Variants in NCKAP5 observed in about 807,000 individuals in gnomAD.
NCKAP5 encodes the protein nck-associated protein 5.
Under a neutral mutation model 167.0 loss-of-function variants are expected in NCKAP5, and 92 were observed. The ratio of observed to expected loss-of-function variants is 0.55; its 90% CI spans 0.47 to 0.66. The LOEUF is 0.66. Among genes scored for constraint, NCKAP5 ranks in the 30% least tolerant of loss-of-function variants. The pLI is 0.00. For synonymous variants in NCKAP5, 891 were observed against 877.4 expected, an observed-to-expected ratio of 1.02 and a Z score of -0.27; for missense variants, 2,378 against 2,315.0, an observed-to-expected ratio of 1.03 and a Z score of -0.56.
At chr2:133,389,024 G>A (rs1455078210) in intron 3 of NCKAP5, among the ~76,000 whole-genome samples, 1 of 152,270 alleles carries the variant, frequency 6.6e-6, no homozygotes, top group Admixed American at 6.5e-5. Flanking sequence ...CTCACTCTTG[G>A]TGCACTGCAC....
At chr2:133,368,309 G>T (rs1242052545) in intron 3 of NCKAP5, among the ~76,000 whole-genome samples, 1 of 152,172 alleles carries the variant, frequency 6.6e-6, no homozygotes, top group East Asian at 1.9e-4. Context: ...GTGTGCACAT[G>T]AATTTTAAAA....
At chr2:132,766,667 T>G (rs1291729726) in intron 16 of NCKAP5, among the ~76,000 whole-genome samples, 1 of 152,230 alleles carries the variant, frequency 6.6e-6, no homozygotes, top group Non-Finnish European at 1.5e-5. Flanking sequence ...ATCTTGGGTC[T>G]TGTTCTCTAT....
chr2:132,837,327 A>AT (rs901417255), intron 11 of NCKAP5, among the ~76,000 whole-genome samples: 2 of 151,140 alleles, frequency 1.3e-5, no homozygotes, highest in African/African-American at 2.4e-5. Context: ...TCTTCCCTCT[A>AT]TTTTTTTCCT....
intron 8 of NCKAP5, among the ~76,000 whole-genome samples, chr2:132,913,973 T>C (rs923200156): frequency 2.4e-4 from 37 of 152,320 alleles, no homozygotes; most frequent in African/African-American, 8.9e-4. Context: ...TGGGCTCAGT[T>C]GGTAATATTT....
At chr2:133,082,079 A>G (rs886817031) in intron 6 of NCKAP5, among the ~76,000 whole-genome samples, 1 of 152,062 alleles carries the variant, frequency 6.6e-6, no homozygotes, top group Admixed American at 6.6e-5. Context: ...TTGTGCCCCA[A>G]TTTGTGTCTA....
At chr2:133,633,388 G>A in the NCKAP5 span, among the ~76,000 whole-genome samples, 1 of 152,210 alleles carries the variant, frequency 6.6e-6, no homozygotes, top group Non-Finnish European at 1.5e-5. Context: ...GCATGAGAGA[G>A]GAAAGTCTGC....
chr2:133,503,897 T>C (rs1430956269), intron 3 of NCKAP5, among the ~76,000 whole-genome samples: 1 of 152,178 alleles, frequency 6.6e-6, no homozygotes, highest in Non-Finnish European at 1.5e-5. Context: ...AGAAGGAAGA[T>C]ATTGCCAGGG....
intron 11 of NCKAP5, among the ~76,000 whole-genome samples, chr2:132,853,409 C>A (rs1175444249): frequency 6.6e-6 from 1 of 152,186 alleles, no homozygotes; most frequent in Non-Finnish European, 1.5e-5. Flanking sequence ...CCCCTTAAGG[C>A]ATCTGATCTC....
chr2:133,085,041 T>G (rs1393048768), intron 6 of NCKAP5, among the ~76,000 whole-genome samples: 10 of 152,134 alleles, frequency 6.6e-5, no homozygotes, highest in Admixed American at 6.6e-4. Context: ...TATTTAAAAA[T>G]ATAAAAACCA....
chr2:133,671,582 C>T, the NCKAP5 span, among the ~76,000 whole-genome samples: 1 of 152,066 alleles, frequency 6.6e-6, no homozygotes, highest in Admixed American at 6.6e-5. Flanking sequence ...GTGTGATGCT[C>T]CACACCACCT....
At chr2:132,950,502 G>A (rs993397168) in intron 8 of NCKAP5, among the ~76,000 whole-genome samples, 2 of 152,122 alleles carry the variant, frequency 1.3e-5, no homozygotes, top group African/African-American at 4.8e-5. Context: ...CTGAGGATGG[G>A]GTAAGGTCAT....
At chr2:133,347,402 A>C (rs948821581) in intron 3 of NCKAP5, among the ~76,000 whole-genome samples, 1 of 151,958 alleles carries the variant, frequency 6.6e-6, no homozygotes, top group Non-Finnish European at 1.5e-5. Context: ...AAAAGTACAA[A>C]ATTAGCCAGG....
chr2:133,620,434 C>T, the NCKAP5 span, among the ~76,000 whole-genome samples: 2 of 151,932 alleles, frequency 1.3e-5, no homozygotes, highest in South Asian at 4.1e-4. Context: ...AAAAGATAGT[C>T]CATGCAAATG....
At chr2:133,275,293 T>A in intron 4 of NCKAP5, among the ~76,000 whole-genome samples, 1 of 152,066 alleles carries the variant, frequency 6.6e-6, no homozygotes, top group East Asian at 1.9e-4. Flanking sequence ...CTCTTCCACA[T>A]TGCAGGTGGG....
At chr2:133,618,200 C>A in the NCKAP5 span, among the ~76,000 whole-genome samples, 4 of 151,928 alleles carry the variant, frequency 2.6e-5, no homozygotes, top group Admixed American at 1.3e-4. Context: ...CCATGAAAAC[C>A]CTAGAAGAAA....
intron 5 of NCKAP5, among the ~76,000 whole-genome samples, chr2:133,131,153 A>G (rs1358593739): frequency 6.6e-6 from 1 of 152,208 alleles, no homozygotes; most frequent in South Asian, 2.1e-4. Context: ...ACTCATGAGA[A>G]AAAAGGCATT....
intron 6 of NCKAP5, among the ~76,000 whole-genome samples, chr2:133,078,477 A>G (rs753959728): frequency 6.6e-5 from 10 of 152,112 alleles, no homozygotes; most frequent in Non-Finnish European, 1.5e-4. Context: ...CCAACTCTGC[A>G]TGGGGAGATT....
intron 11 of NCKAP5, among the ~76,000 whole-genome samples, chr2:132,854,958 A>G (rs1397086065): frequency 6.6e-6 from 1 of 152,174 alleles, no homozygotes; most frequent in Non-Finnish European, 1.5e-5. Flanking sequence ...TGTGTCAGGA[A>G]AAAAAGAAAA....
chr2:133,394,778 GA>G (rs1309281814), intron 3 of NCKAP5, among the ~76,000 whole-genome samples: 1 of 152,174 alleles, frequency 6.6e-6, no homozygotes, highest in East Asian at 1.9e-4. Flanking sequence ...CACCAGGAAA[GA>G]AGACAAAAGT....
Sources: allele counts gnomAD v4.1 joint callset (sites outside exome capture counted in the v4.1 genomes callset), GRCh38; gene constraint gnomAD v4.1.1; transcripts MANE v1.5; gene names NCBI Gene and HGNC (gene_info 2026-07-23, HGNC 2026-07-21).